The following SASH1 variants were observed in gnomAD, a reference collection of about 807,000 sequenced individuals.
SASH1 encodes the protein SAM and SH3 domain containing 1, also known as SAM and SH3 domain-containing protein 1.
SASH1 carries 44 observed loss-of-function variants against 125.2 expected under a neutral mutation model. That is an observed-to-expected ratio of 0.35 (90% CI 0.28 to 0.45). The LOEUF (loss-of-function observed/expected upper bound fraction) is 0.45, where lower values mean the gene tolerates loss of function less well. SASH1 is among the 20% of genes least tolerant of loss of function. The probability of loss-of-function intolerance (pLI) is 1.00; values close to 1 mark genes in which losing one functional copy is unlikely to be tolerated. For synonymous variants in SASH1, 639 were observed against 649.1 expected (o/e 0.98, Z 0.24); for missense variants, 1,426 against 1,614.5 (o/e 0.88, Z 2.00).
chr6:148,516,325 C>A (rs746051454), intron 9 of SASH1, among the ~76,000 whole-genome samples: 1 of 152,098 alleles, frequency 6.6e-6, no homozygotes, highest in Admixed American at 6.5e-5. Context: ...TAGCTCAAGG[C>A]GCCTGCTTTG....
intron 1 of SASH1, among the ~76,000 whole-genome samples, chr6:148,292,056 G>A (rs541417919): frequency 4.9e-4 from 75 of 152,272 alleles, no homozygotes; most frequent in Non-Finnish European, 2.6e-4. Context: ...GGAAAAAAAC[G>A]CCTGAATATG....
At chr6:148,195,710 C>T in the SASH1 span, among the ~76,000 whole-genome samples, 11 of 152,174 alleles carry the variant, frequency 7.2e-5, no homozygotes, top group Admixed American at 7.2e-4. Flanking sequence ...CTGGTGGCAA[C>T]TCATTAGCCT....
At chr6:148,199,727 AGAGT>A in the SASH1 span, among the ~76,000 whole-genome samples, 1 of 151,528 alleles carries the variant, frequency 6.6e-6, no homozygotes, top group African/African-American at 2.4e-5. Context: ...AAAGGAAGGG[AGAGT>A]GAGAGAGAGA....
intron 1 of SASH1, among the ~76,000 whole-genome samples, chr6:148,300,965 T>G (rs1779925388): frequency 1.3e-5 from 2 of 152,078 alleles, no homozygotes; most frequent in South Asian, 4.2e-4. Flanking sequence ...TTTTTGAGTT[T>G]GTTGTTGTTG....
At chr6:148,289,412 C>T (rs1311137051) in intron 1 of SASH1, among the ~76,000 whole-genome samples, 1 of 152,236 alleles carries the variant, frequency 6.6e-6, no homozygotes, top group Non-Finnish European at 1.5e-5. Flanking sequence ...AGCCTACAGC[C>T]TCTAACCTCA....
Position 148,537,776 on chromosome 6 carries a change from C to CTGTGTGTGTGTGTG in SASH1, c.2096-2624_2096-2611dup, listed in dbSNP as rs55644027. On this transcript the variant is annotated intron_variant, in intron 16 of 19. Coordinates refer to ENST00000367467, the MANE Select transcript of SASH1 (RefSeq NM_015278.5). The stretch of plus-strand genomic sequence containing the variant: ...ATATTCATAGGTGTCTTAGCATATT[C>CTGTGTGTGTGTGTG]TGTGTGTGTGTGTGTGTGTGTGTGT... Among the ~76,000 whole-genome samples the CTGTGTGTGTGTGTG allele has an allele frequency of 4.9e-3, 613 of 125,652 alleles. 6 individuals are homozygous for CTGTGTGTGTGTGTG. The highest frequency in any genetic ancestry group is 8.0e-3 in the East Asian group (31 of 3,864). 82.4% of individuals were successfully genotyped at this position (125,652 alleles called of 152,430 possible).
At chr6:148,543,568 G>A in intron 17 of SASH1, 112 bp from the exon 18 acceptor site, 1 of 858,418 alleles carries the variant, frequency 1.2e-6, no homozygotes. Flanking sequence ...TAGTGTAATT[G>A]AACAATAGGA....
rs147161125 is a variant in SASH1 at position 148,325,261 on chromosome 6, T to TTGTTGTTGTTGTTGTTGTTGTTG, written n.74+52885_74+52886insGTTGTTGTTGTTGTTGTTGTTGT. On this transcript the variant is annotated intron_variant and non_coding_transcript_variant, in intron 1 of 3. Coordinates refer to the SASH1 transcript ENST00000367469. The stretch of plus-strand genomic sequence containing the variant: ...AGAGTGAAATAGGGGAAAAGCCTCT[T>TTGTTGTTGTTGTTGTTGTTGTTG]TTGTTGTTGTTGTTGTTGTTGTTGT... Among the ~76,000 whole-genome samples the TTGTTGTTGTTGTTGTTGTTGTTG allele has an allele frequency of 3.5e-3, 521 of 149,994 alleles. 1 individual carries two copies. Among genetic ancestry groups the TTGTTGTTGTTGTTGTTGTTGTTG allele is most frequent in the Middle Eastern group, 0.01 (3 of 292 alleles).
At chr6:148,488,207 ACCTCT>A (rs1778960775) in intron 8 of SASH1, among the ~76,000 whole-genome samples, 1 of 151,882 alleles carries the variant, frequency 6.6e-6, no homozygotes, top group Admixed American at 6.6e-5. Context: ...TGAATTTGAC[ACCTCT>A]CAATAGCTCA....
intron 10 of SASH1, among the ~76,000 whole-genome samples, chr6:148,524,164 G>T (rs1327258554): frequency 7.4e-6 from 1 of 134,404 alleles, no homozygotes; most frequent in Admixed American, 7.5e-5. Flanking sequence ...TATTAGGTTG[G>T]TGCAAAAGTA....
the SASH1 span, among the ~76,000 whole-genome samples, chr6:148,265,067 T>C: frequency 1.3e-5 from 2 of 152,248 alleles, no homozygotes; most frequent in Non-Finnish European, 2.9e-5. Context: ...GTATATATAA[T>C]AGAATAATTT....
upstream of SASH1, among the ~76,000 whole-genome samples, chr6:148,267,647 G>C (rs1479157326): frequency 6.6e-6 from 1 of 152,012 alleles, no homozygotes; most frequent in African/African-American, 2.4e-5. Context: ...CAAAGTGCTG[G>C]GATTACAGAC....
intron 8 of SASH1, among the ~76,000 whole-genome samples, chr6:148,500,550 T>C (rs1299382056): frequency 6.6e-6 from 1 of 152,224 alleles, no homozygotes; most frequent in Non-Finnish European, 1.5e-5. Flanking sequence ...TTTCCACTGC[T>C]GTTAGGTCAG....
At position 148,537,776 on chromosome 6, in the gene SASH1, C is replaced by CTCTGTGTG. The variant is rs1179993512; in HGVS notation, c.2096-2666_2096-2665insCTGTGTGT. 3.2e-5 allele frequency among the ~76,000 whole-genome samples: 4 copies of CTCTGTGTG among 125,688 alleles called. No individual in the cohort carries two copies. The South Asian group carries it at 1.3e-3, about 41-fold the overall frequency. The allele number at this position is 125,688 out of a possible 152,430, so 82.5% of individuals were successfully genotyped here. On this transcript the variant is annotated intron_variant, in intron 16 of 19. Coordinates refer to ENST00000367467, the MANE Select transcript of SASH1 (RefSeq NM_015278.5). ...ATATTCATAGGTGTCTTAGCATATTCTGTGTGTGTGTGTGTGTGTGTGTGT... is the reference window on the plus strand; with the variant it reads ...ATATTCATAGGTGTCTTAGCATATTCTCTGTGTGTGTGTGTGTGTGTGTGTGTGTGTGT...
Position 148,544,798 on chromosome 6 carries a change from G to A in SASH1, c.3328G>A (p.Glu1110Lys). The A allele has an allele frequency of 6.3e-7, 1 of 1,594,460 alleles. No individual in the cohort carries two copies. Among genetic ancestry groups the A allele is most frequent in the Non-Finnish European group, 8.5e-7 (1 of 1,170,308 alleles). ...KLHAEGIDLT[E>K]EPYSDKHGRC... ...GCACGCTGAAGGCATCGATCTCACG[G>A]AGGAGCCGTATTCTGATAAGGTATC... Residue 1110 changes from glutamate to lysine, a missense_variant, in exon 18 of 20, where the codon GAG becomes AAG. Physicochemically the swap from Glu to Lys is moderately conservative, Grantham distance 56. Around this residue, in one of 3 missense-constraint regions of SASH1, gnomAD observed 634 missense variants for 694.4 expected, o/e 0.91. Coordinates refer to ENST00000367467, the MANE Select transcript of SASH1 (RefSeq NM_015278.5). The surrounding 1 kb of genome is among the most constrained non-coding windows in gnomAD (Gnocchi z 6.4).
chr6:148,452,970 C>G (rs757858555), intron 4 of SASH1, among the ~76,000 whole-genome samples: 1 of 152,254 alleles, frequency 6.6e-6, no homozygotes, highest in Non-Finnish European at 1.5e-5. Context: ...TGCGTCCACA[C>G]GTGTGTGTGC....
chr6:148,321,283 T>A (rs9403936), intron 1 of SASH1, among the ~76,000 whole-genome samples: 1 of 151,806 alleles, frequency 6.6e-6, no homozygotes, highest in African/African-American at 2.4e-5. Flanking sequence ...CCCACCTACT[T>A]GGGAAGCTGA....
chr6:148,291,142 A>T (rs1779623044), intron 1 of SASH1, among the ~76,000 whole-genome samples: 1 of 152,226 alleles, frequency 6.6e-6, no homozygotes, highest in South Asian at 2.1e-4. Flanking sequence ...GGCAAAAATC[A>T]GCCATGGCCA....
chr6:148,407,920 A>G (rs1784443654), intron 2 of SASH1, among the ~76,000 whole-genome samples: 1 of 152,084 alleles, frequency 6.6e-6, no homozygotes, highest in African/African-American at 2.4e-5. Context: ...GGCGTGAGCC[A>G]CCGCACCCAG....
Sources: allele counts gnomAD v4.1 joint callset (sites outside exome capture counted in the v4.1 genomes callset), GRCh38; gene constraint gnomAD v4.1.1; regional missense constraint gnomAD v4.1.1; non-coding constraint Gnocchi (gnomAD v3.1); transcripts MANE v1.5; gene names NCBI Gene and HGNC (gene_info 2026-07-23, HGNC 2026-07-21).